The following ELP4 variants were observed in gnomAD, a reference collection of about 807,000 sequenced individuals.
The protein encoded by ELP4 is elongator acetyltransferase complex subunit 4.
Under a neutral mutation model 48.9 loss-of-function variants are expected in ELP4, and 51 were observed. The ratio of observed to expected loss-of-function variants is 1.04; its 90% confidence interval spans 0.83 to 1.32. ELP4 has a LOEUF of 1.32. ELP4 is among the 40% of genes most tolerant of loss of function. The pLI, the probability that ELP4 is intolerant of heterozygous loss-of-function variation, is 0.00. For synonymous variants in ELP4, 210 were observed against 189.2 expected (o/e 1.11, Z -0.90); for missense variants, 519 against 514.6 (o/e 1.01, Z -0.08).
chr11:31,675,311 C>G (rs1238563711), intron 9 of ELP4, among the ~76,000 whole-genome samples: 1 of 151,440 alleles, frequency 6.6e-6, no homozygotes, highest in Non-Finnish European at 1.5e-5. Context: ...GTTGCCCAGG[C>G]TGGAGTGCAA....
intron 9 of ELP4, among the ~76,000 whole-genome samples, chr11:31,691,926 T>C (rs1946289576): frequency 6.6e-6 from 1 of 152,182 alleles, no homozygotes; most frequent in Non-Finnish European, 1.5e-5. Context: ...ATAAACATGA[T>C]ATTGAAACAT....
intron 3 of ELP4, among the ~76,000 whole-genome samples, chr11:31,562,734 G>A (rs1049829709): frequency 2.0e-5 from 3 of 152,020 alleles, no homozygotes; most frequent in East Asian, 1.9e-4. Context: ...TGAAGTATGC[G>A]TGGAAATAAG....
chr11:31,584,775 T>C (rs1957447563), intron 3 of ELP4, among the ~76,000 whole-genome samples: 1 of 152,154 alleles, frequency 6.6e-6, no homozygotes, highest in African/African-American at 2.4e-5. Flanking sequence ...TATGCCCACC[T>C]CGGCTTCCCA....
intron 9 of ELP4, chr11:31,707,064 T>C: frequency 1.0e-5 from 4 of 398,338 alleles, no homozygotes. Context: ...GTCTCTTTAA[T>C]GTAATGATTT....
intron 3 of ELP4, among the ~76,000 whole-genome samples, chr11:31,572,994 C>A (rs1354612907): frequency 6.6e-6 from 1 of 151,988 alleles, no homozygotes; most frequent in Non-Finnish European, 1.5e-5. Flanking sequence ...GGCAACAAAG[C>A]AAGACTCTGT....
chr11:31,528,872 A>C (rs1270067884), intron 2 of ELP4, among the ~76,000 whole-genome samples: 1 of 152,156 alleles, frequency 6.6e-6, no homozygotes, highest in Non-Finnish European at 1.5e-5. Context: ...GCTAGAGAAA[A>C]AGATTTAGGA....
At chr11:31,594,941 C>T in intron 4 of ELP4, 40 bp downstream of exon 4, 1 of 1,515,780 alleles carries the variant, frequency 6.6e-7, no homozygotes, top group Non-Finnish European at 8.8e-7. Flanking sequence ...TTTGCAAATG[C>T]ATTTGTTTTC....
chr11:31,742,675 A>G (rs1171210670), intron 9 of ELP4, among the ~76,000 whole-genome samples: 1 of 152,196 alleles, frequency 6.6e-6, no homozygotes, highest in Non-Finnish European at 1.5e-5. Context: ...AGGAGAAATA[A>G]AATACTTTAC....
At chr11:31,636,725 A>G (rs1341986151) in intron 7 of ELP4, among the ~76,000 whole-genome samples, 1 of 152,022 alleles carries the variant, frequency 6.6e-6, no homozygotes, top group Non-Finnish European at 1.5e-5. Flanking sequence ...GTTCAGTCCC[A>G]CAACTTTGAA....
At chr11:31,641,358 A>G (rs1281820133) in intron 7 of ELP4, among the ~76,000 whole-genome samples, 1 of 151,922 alleles carries the variant, frequency 6.6e-6, no homozygotes, top group Non-Finnish European at 1.5e-5. Flanking sequence ...TTCTTCAAGA[A>G]AGTGTATATA....
At position 31,785,177 on chromosome 11, in the gene ELP4, G is replaced by A. The variant is rs907126403; in HGVS notation, c.*1653G>A. The A allele has an allele frequency of 3.8e-5, 7 of 183,240 alleles. No homozygotes were observed. The highest frequency in any genetic ancestry group is 1.8e-4 in the East Asian group (2 of 11,240). 11.4% of individuals were successfully genotyped at this position (183,240 alleles called of 1,614,324 possible). A position where few individuals can be genotyped will look rare whatever the true frequency, so the allele number is the denominator to read the frequency against. On this transcript the variant is annotated 3_prime_UTR_variant, in exon 10 of 10. Coordinates refer to ENST00000640961, the MANE Select transcript of ELP4 (RefSeq NM_019040.5). Reference sequence around the variant, plus strand: ...CCATAGATAATAAATAATGTTGTGCGGATACTCCACAAAAGCTCTGCTATG... The same window carrying A: ...CCATAGATAATAAATAATGTTGTGCAGATACTCCACAAAAGCTCTGCTATG...
At chr11:31,685,435 A>G (rs1260909618) in intron 9 of ELP4, among the ~76,000 whole-genome samples, 3 of 152,086 alleles carry the variant, frequency 2.0e-5, no homozygotes, top group African/African-American at 7.2e-5. Flanking sequence ...CAACCTGTGC[A>G]TTTTTTTACT....
At chr11:31,775,483 G>A (rs1161326495) in intron 9 of ELP4, among the ~76,000 whole-genome samples, 2 of 152,178 alleles carry the variant, frequency 1.3e-5, no homozygotes, top group Non-Finnish European at 2.9e-5. Flanking sequence ...AACTGTGCAG[G>A]CTTTGTAGTC....
chr11:31,680,125 T>G (rs1592217449), intron 9 of ELP4, among the ~76,000 whole-genome samples: 1 of 152,206 alleles, frequency 6.6e-6, no homozygotes, highest in Non-Finnish European at 1.5e-5. Flanking sequence ...TGACCCCAAT[T>G]ATCTGATGGA....
intron 9 of ELP4, chr11:31,654,122 T>C (rs1181231041): frequency 1.3e-5 from 2 of 151,688 alleles, no homozygotes; most frequent in Non-Finnish European, 3.0e-5. Flanking sequence ...CACCATCCAT[T>C]AAGGTTTTCA....
intron 1 of ELP4, chr11:31,510,957 C>CT (rs1955988077): frequency 6.6e-6 from 1 of 152,214 alleles, no homozygotes; most frequent in South Asian, 2.1e-4. Flanking sequence ...ATCTTGTACA[C>CT]TTTCATAAAA....
intron 9 of ELP4, among the ~76,000 whole-genome samples, chr11:31,722,330 G>A (rs1302857254): frequency 6.6e-6 from 1 of 152,144 alleles, no homozygotes; most frequent in Non-Finnish European, 1.5e-5. Context: ...TTTCCACTAT[G>A]TGGAATAAAG....
At chr11:31,684,937 TACTA>T (rs1453842425) in intron 9 of ELP4, among the ~76,000 whole-genome samples, 5 of 152,214 alleles carry the variant, frequency 3.3e-5, no homozygotes, top group Admixed American at 6.5e-5. Context: ...ATTTTGATCT[TACTA>T]AACAAATTAT....
At chr11:31,682,712 C>T (rs1946079091) in intron 9 of ELP4, among the ~76,000 whole-genome samples, 1 of 152,040 alleles carries the variant, frequency 6.6e-6, no homozygotes, top group Non-Finnish European at 1.5e-5. Context: ...AGAAAACTGA[C>T]ATATAAACAA....
Sources: gnomAD v4.1 joint callset for allele counts (sites outside exome capture counted in the v4.1 genomes callset) on GRCh38, gnomAD v4.1.1 for gene constraint, MANE v1.5 for transcripts, NCBI Gene and HGNC (gene_info 2026-07-23, HGNC 2026-07-21) for gene names.